Variants in CLSTN2 observed in about 807,000 individuals in gnomAD.
CLSTN2 encodes the protein calsyntenin 2, also known as calsyntenin-2.
In CLSTN2, 48 loss-of-function variants were observed where a neutral mutation model predicts 101.2. The ratio of observed to expected loss-of-function variants is 0.47; its 90% CI spans 0.38 to 0.60. CLSTN2 has a LOEUF of 0.60. CLSTN2 is among the 20% of genes least tolerant of loss of function. The probability of loss-of-function intolerance (pLI) is 0.00; values close to 1 mark genes in which losing one functional copy is unlikely to be tolerated. For missense variants in CLSTN2, 1,160 were observed against 1,238.2 expected, an observed-to-expected ratio of 0.94 and a Z score of 0.95; for synonymous variants, 481 against 463.6, an observed-to-expected ratio of 1.04 and a Z score of -0.48.
At chr3:140,042,068 G>A (rs553844494) in intron 1 of CLSTN2, among the ~76,000 whole-genome samples, 1 of 152,194 alleles carries the variant, frequency 6.6e-6, no homozygotes, top group Admixed American at 6.5e-5. Context: ...TGAGTCAATG[G>A]GTTTTAGTAT....
At chr3:140,274,443 C>T (rs368997169) in intron 2 of CLSTN2, among the ~76,000 whole-genome samples, 1 of 152,198 alleles carries the variant, frequency 6.6e-6, no homozygotes, top group Admixed American at 6.5e-5. Context: ...TTAAATTGGC[C>T]CCGTTTTATT....
chr3:140,437,291 G>A (rs1165599844), intron 5 of CLSTN2, among the ~76,000 whole-genome samples: 13 of 151,954 alleles, frequency 8.6e-5, no homozygotes, highest in South Asian at 8.3e-4. Context: ...CTCACAATCC[G>A]CCTGCCTCAG....
At chr3:140,310,745 G>A (rs1031132642) in intron 2 of CLSTN2, among the ~76,000 whole-genome samples, 1 of 152,012 alleles carries the variant, frequency 6.6e-6, no homozygotes, top group Non-Finnish European at 1.5e-5. Context: ...ATTCAAGATG[G>A]AATTATTATG....
At chr3:140,550,233 G>A (rs1206464876) in intron 10 of CLSTN2, among the ~76,000 whole-genome samples, 1 of 151,632 alleles carries the variant, frequency 6.6e-6, no homozygotes, top group Non-Finnish European at 1.5e-5. Flanking sequence ...GGAAGCCACT[G>A]AAGGCTCAGG....
intron 5 of CLSTN2, among the ~76,000 whole-genome samples, chr3:140,422,732 A>G (rs948820753): frequency 5.3e-5 from 8 of 152,184 alleles, no homozygotes; most frequent in African/African-American, 1.7e-4. Flanking sequence ...TCCCAACCTC[A>G]GGGAGCCTGA....
chr3:140,305,379 C>G (rs1031323496), intron 2 of CLSTN2, among the ~76,000 whole-genome samples: 4 of 152,142 alleles, frequency 2.6e-5, no homozygotes, highest in African/African-American at 9.7e-5. Context: ...ATAGTGTCTT[C>G]GAAACACCTT....
chr3:140,034,248 G>A (rs552457586), intron 1 of CLSTN2, among the ~76,000 whole-genome samples: 59 of 152,312 alleles, frequency 3.9e-4, no homozygotes, highest in African/African-American at 1.3e-3. Flanking sequence ...AAAGTCATAT[G>A]CAGCATGGAA....
At chr3:140,236,292 A>G (rs1168798075) in intron 2 of CLSTN2, among the ~76,000 whole-genome samples, 1 of 152,168 alleles carries the variant, frequency 6.6e-6, no homozygotes, top group East Asian at 1.9e-4. Context: ...TACTTTAAAG[A>G]TGTTGTTCCA....
chr3:139,970,069 G>A (rs1375617988), intron 1 of CLSTN2, among the ~76,000 whole-genome samples: 5 of 152,174 alleles, frequency 3.3e-5, no homozygotes, highest in Admixed American at 2.0e-4. Flanking sequence ...GGAATGACTG[G>A]AATGTGTGAT....
chr3:140,286,539 C>A (rs1372664430), intron 2 of CLSTN2, among the ~76,000 whole-genome samples: 3 of 152,168 alleles, frequency 2.0e-5, no homozygotes, highest in Admixed American at 6.5e-5. Context: ...TATGTATATT[C>A]TTTTGCCGCC....
intron 1 of CLSTN2, among the ~76,000 whole-genome samples, chr3:140,036,250 T>C (rs993164413): frequency 6.6e-6 from 1 of 151,194 alleles, no homozygotes; most frequent in African/African-American, 2.5e-5. Context: ...AACAATCACA[T>C]ACATTCTACT....
At chr3:140,262,748 G>C (rs2086664367) in intron 2 of CLSTN2, among the ~76,000 whole-genome samples, 1 of 152,132 alleles carries the variant, frequency 6.6e-6, no homozygotes, top group Non-Finnish European at 1.5e-5. Context: ...GAAATGATGA[G>C]AGTAAAGGTT....
chr3:140,492,300 A>G (rs1053501934), intron 8 of CLSTN2, among the ~76,000 whole-genome samples: 2 of 152,234 alleles, frequency 1.3e-5, no homozygotes, highest in African/African-American at 2.4e-5. Flanking sequence ...CAGTAGTTCC[A>G]TTCCTAGTCA....
At chr3:140,173,107 C>T (rs1291769236) in intron 1 of CLSTN2, among the ~76,000 whole-genome samples, 1 of 152,190 alleles carries the variant, frequency 6.6e-6, no homozygotes, top group Non-Finnish European at 1.5e-5. Context: ...GGCAAGTCCC[C>T]TCTGCCTATG....
intron 5 of CLSTN2, among the ~76,000 whole-genome samples, chr3:140,427,129 G>A (rs555801123): frequency 2.7e-4 from 38 of 141,446 alleles, no homozygotes; most frequent in Middle Eastern, 3.6e-3. Flanking sequence ...TTAGCCAGTA[G>A]TGCGCCACTG....
intron 2 of CLSTN2, among the ~76,000 whole-genome samples, chr3:140,289,907 A>T (rs564636720): frequency 9.0e-4 from 136 of 151,678 alleles, no homozygotes; most frequent in Non-Finnish European, 1.7e-3. Context: ...ACAAATTTTC[A>T]TATTGAGTCA....
intron 5 of CLSTN2, among the ~76,000 whole-genome samples, chr3:140,442,143 G>A (rs1932939030): frequency 6.6e-6 from 1 of 152,100 alleles, no homozygotes; most frequent in Non-Finnish European, 1.5e-5. Context: ...ACTGACCCTG[G>A]AGGGACTGTC....
chr3:140,049,696 G>A (rs958509647), intron 1 of CLSTN2, among the ~76,000 whole-genome samples: 5 of 152,192 alleles, frequency 3.3e-5, no homozygotes, highest in African/African-American at 4.8e-5. Context: ...CCCAGTGGCT[G>A]AACATGAACT....
intron 2 of CLSTN2, among the ~76,000 whole-genome samples, chr3:140,192,846 T>C (rs895184826): frequency 5.9e-5 from 9 of 151,922 alleles, no homozygotes; most frequent in Admixed American, 5.9e-4. Flanking sequence ...TTCTATTTTT[T>C]GGCGGGGTAG....
Sources: gnomAD v4.1 joint callset for allele counts (sites outside exome capture counted in the v4.1 genomes callset) on GRCh38, gnomAD v4.1.1 for gene constraint, MANE v1.5 for transcripts, NCBI Gene and HGNC (gene_info 2026-07-23, HGNC 2026-07-21) for gene names.